SLC13A4: variants seen among roughly 807,000 people sequenced by gnomAD.
SLC13A4 encodes the protein solute carrier family 13 member 4, also known as Na(+)/sulfate cotransporter SUT-1.
SLC13A4 carries 28 observed loss-of-function variants against 72.7 expected under a neutral mutation model. That is an observed-to-expected ratio of 0.39 (90% CI 0.29 to 0.53). SLC13A4 has a LOEUF of 0.53. SLC13A4 is among the 20% of genes least tolerant of loss of function. The pLI is 0.78. For synonymous variants in SLC13A4, 312 were observed against 325.5 expected (o/e 0.96, Z 0.45); for missense variants, 653 against 788.0 (o/e 0.83, Z 2.05).
chr7:135,713,407 A>T (rs947022459), intron 2 of SLC13A4, among the ~76,000 whole-genome samples: 3 of 152,106 alleles, frequency 2.0e-5, no homozygotes, highest in Admixed American at 6.5e-5. Context: ...TTGGGCTCTG[A>T]AGTTCAGATG....
At chr7:135,685,418 A>G in intron 14 of SLC13A4, 104 bp downstream of exon 14, 1 of 973,106 alleles carries the variant, frequency 1.0e-6, no homozygotes, top group Non-Finnish European at 1.6e-6. Context: ...GTGGGCAGTA[A>G]CCAGAGGAGA....
At chr7:135,705,921 G>A in intron 4 of SLC13A4, 1 of 569,196 alleles carries the variant, frequency 1.8e-6, no homozygotes, top group East Asian at 2.8e-5. Flanking sequence ...GGAAGGAAGA[G>A]CCAGAACAGG....
chr7:135,681,255 T>C lies in SLC13A4; in HGVS notation c.*308A>G, dbSNP rs1038240807. ...CTTTAGGTTTTCTTTGTCTTCTTTT[T>C]TTTTAATTTAATTTTTATTTTCTTT... On this transcript the variant is annotated 3_prime_UTR_variant, in exon 16 of 16. Transcript: ENST00000682651. The C allele has an allele frequency of 6.2e-5, 15 of 241,016 alleles. No individual in the cohort carries two copies. Among genetic ancestry groups the C allele is most frequent in the East Asian group, 1.6e-4 (2 of 12,816 alleles). 14.9% of individuals were successfully genotyped at this position (241,016 alleles called of 1,614,324 possible).
chr7:135,690,830 A>G (rs1325107862), intron 13 of SLC13A4, among the ~76,000 whole-genome samples: 2 of 152,036 alleles, frequency 1.3e-5, no homozygotes, highest in South Asian at 2.1e-4. Flanking sequence ...GCCCATAATG[A>G]CTCATTAGGT....
chr7:135,722,514 AC>A (rs1796569587), intron 1 of SLC13A4, among the ~76,000 whole-genome samples: 1 of 150,632 alleles, frequency 6.6e-6, no homozygotes, highest in African/African-American at 2.5e-5. Flanking sequence ...TGGAATCTGG[AC>A]CCCCTCTCCA....
intron 1 of SLC13A4, among the ~76,000 whole-genome samples, chr7:135,724,596 G>A (rs1268094546): frequency 6.6e-6 from 1 of 151,968 alleles, no homozygotes; most frequent in Non-Finnish European, 1.5e-5. Flanking sequence ...TTAGGAGAAT[G>A]TGGGTAAAAT....
chr7:135,706,054 C>T, intron 4 of SLC13A4, 74 bp downstream of exon 4: 1 of 1,479,716 alleles, frequency 6.8e-7, no homozygotes. Flanking sequence ...GGCAGTCTCC[C>T]TAGAGGAGCC....
intron 2 of SLC13A4, among the ~76,000 whole-genome samples, chr7:135,718,131 G>C (rs1251102798): frequency 1.3e-5 from 2 of 150,238 alleles, no homozygotes; most frequent in African/African-American, 5.0e-5. Context: ...TCTTCGTTCT[G>C]TTTCTCTGGA....
At chr7:135,685,884 C>T (rs1385861632) in intron 13 of SLC13A4, among the ~76,000 whole-genome samples, 1 of 152,202 alleles carries the variant, frequency 6.6e-6, no homozygotes, top group African/African-American at 2.4e-5. Context: ...TTTATGATTG[C>T]ACAACATTCA....
At chr7:135,719,584 A>G (rs920951986) in intron 2 of SLC13A4, among the ~76,000 whole-genome samples, 13 of 152,244 alleles carry the variant, frequency 8.5e-5, no homozygotes, top group Admixed American at 7.8e-4. Context: ...ACAAAACCCC[A>G]TATTACCTAT....
At chr7:135,691,015 A>C (rs1264573244) in intron 13 of SLC13A4, among the ~76,000 whole-genome samples, 186 bp downstream of exon 13, 1 of 151,976 alleles carries the variant, frequency 6.6e-6, no homozygotes, top group Non-Finnish European at 1.5e-5. Flanking sequence ...AAATACAAAA[A>C]CTAGCTGGCA....
rs1796695356 is a variant in SLC13A4, at chr7:135,727,553, C to T, written c.-57G>A. ...ACCCCGCTCTGCCGGCGAAAGGCTT[C>T]CTGCCTGGGCACTGCTCTCTATCCA... On this transcript the variant is annotated 5_prime_UTR_variant, in exon 1 of 16. Transcript: ENST00000682651. 7.9e-6 allele frequency: 12 copies of T among 1,517,532 alleles called. No individual in the cohort carries two copies. The highest frequency in any genetic ancestry group is 1.7e-4 in the Middle Eastern group (1 of 5,870). 94.0% of individuals were successfully genotyped at this position (1,517,532 alleles called of 1,614,324 possible). A position where few individuals can be genotyped will look rare whatever the true frequency, so the allele number is the denominator to read the frequency against.
intron 2 of SLC13A4, among the ~76,000 whole-genome samples, chr7:135,717,136 A>G (rs1563170119): frequency 6.6e-6 from 1 of 152,142 alleles, no homozygotes; most frequent in Non-Finnish European, 1.5e-5. Flanking sequence ...TTCAACTGCA[A>G]TCTCACCCTA....
Position 135,685,625 on chromosome 7 carries a change from G to A in SLC13A4, c.1505C>T (p.Pro502Leu), listed in dbSNP as rs146102275. ...NQMLSLSSLP[P>L]WAVTLLACIL... ...GCATGCCAGCAGGGTGACAGCCCAC[G>A]GTGGGAGGCTGCTCAGGGACAACAT... The change falls in exon 14 of 16, where the codon CCG becomes CTG. Residue 502 changes from proline (P) to leucine (L), a missense_variant. By Grantham distance (98) the Pro-to-Leu change is moderately conservative (BLOSUM62 -3). Coordinates refer to ENST00000682651, the MANE Select transcript of SLC13A4 (RefSeq NM_001318192.2). 11 of 1,614,048 alleles carry A rather than the reference G, an allele frequency of 6.8e-6. No homozygotes were observed. The African/African-American group carries it at 8.0e-5, about 12-fold the overall frequency.
intron 15 of SLC13A4, among the ~76,000 whole-genome samples, chr7:135,682,329 C>T (rs1351718798): frequency 6.6e-6 from 1 of 152,154 alleles, no homozygotes; most frequent in East Asian, 1.9e-4. Context: ...ACATTGACAC[C>T]CACAGGCTGA....
intron 12 of SLC13A4, 81 bp downstream of exon 12, chr7:135,691,467 T>C: frequency 1.3e-6 from 2 of 1,490,516 alleles, no homozygotes; most frequent in Non-Finnish European, 1.9e-6. Context: ...CTGAAGGACC[T>C]TGGTAAATCT....
intron 2 of SLC13A4, among the ~76,000 whole-genome samples, chr7:135,716,943 C>T (rs1394376312): frequency 6.6e-6 from 1 of 152,164 alleles, no homozygotes; most frequent in Admixed American, 6.5e-5. Flanking sequence ...AGCTAAAAGC[C>T]AAGGGTCTTT....
At chr7:135,724,527 AAAG>A (rs1325411662) in intron 1 of SLC13A4, among the ~76,000 whole-genome samples, 5 of 72,466 alleles carry the variant, frequency 6.9e-5, no homozygotes, top group African/African-American at 1.6e-4. Context: ...AAAAAAGAAG[AAAG>A]GAGAGAGAGA....
At position 135,712,233 on chromosome 7, in the gene SLC13A4, G is replaced by A. The variant is rs575190643; in HGVS notation, c.229-3983C>T. On this transcript the variant is annotated intron_variant, in intron 2 of 15. Coordinates refer to ENST00000682651, the MANE Select transcript of SLC13A4 (RefSeq NM_001318192.2). ...CAGGCCCAGCTTCAGTGGGATATTG[G>A]CTCTGTGCTGGGTGTTTGGTGGGCT... Among the ~76,000 whole-genome samples the A allele has an allele frequency of 1.4e-4, 21 of 151,806 alleles. 2 individuals carry two copies. In the South Asian group the frequency reaches 4.0e-3, roughly 29 times the overall value.
Sources: allele counts gnomAD v4.1 joint callset (sites outside exome capture counted in the v4.1 genomes callset), GRCh38; gene constraint gnomAD v4.1.1; transcripts MANE v1.5; gene names NCBI Gene and HGNC (gene_info 2026-07-23, HGNC 2026-07-21).